The following ST18 variants were observed in gnomAD, a reference collection of about 807,000 sequenced individuals.
ST18 encodes ST18 C2H2C-type zinc finger transcription factor.
A neutral mutation model predicts 110.0 loss-of-function variants in ST18; 50 were observed. That is an observed-to-expected ratio of 0.45 (90% CI 0.36 to 0.58). ST18 has a LOEUF of 0.58. Ranked by LOEUF, ST18 falls within the 20% of genes least tolerant of loss-of-function variation. ST18 has a pLI of 0.00. For synonymous variants in ST18, 461 were observed against 452.4 expected (o/e 1.02, Z -0.24); for missense variants, 1,306 against 1,280.1 (o/e 1.02, Z -0.31).
chr8:52,291,756 G>GTT (rs1039643705), intron 2 of ST18, among the ~76,000 whole-genome samples: 1 of 150,726 alleles, frequency 6.6e-6, no homozygotes, highest in Non-Finnish European at 1.5e-5. Flanking sequence ...AATAAACAAG[G>GTT]TTTTTTTTTG....
At chr8:52,365,750 G>A (rs558545359) in intron 2 of ST18, among the ~76,000 whole-genome samples, 1 of 152,198 alleles carries the variant, frequency 6.6e-6, no homozygotes, top group Non-Finnish European at 1.5e-5. Context: ...AAGCTAGAAT[G>A]AGTGTTGTTG....
intron 9 of ST18, among the ~76,000 whole-genome samples, chr8:52,178,647 C>CAAAAAAAAAAAAAAAAAAAAAAA (rs2068028796): frequency 1.4e-5 from 1 of 70,616 alleles, no homozygotes; most frequent in African/African-American, 5.9e-5. Context: ...AAAAAAACCA[C>CAAAAAAAAAAAAAAAAAAAAAAA]CAAAAACCAA....
chr8:52,358,399 A>G (rs1042691034), intron 2 of ST18, among the ~76,000 whole-genome samples: 2 of 151,970 alleles, frequency 1.3e-5, no homozygotes, highest in African/African-American at 4.8e-5. Flanking sequence ...TACAATCACC[A>G]AAACTGAAAG....
chr8:52,370,856 T>G, intron 2 of ST18, among the ~76,000 whole-genome samples: 1 of 152,178 alleles, frequency 6.6e-6, no homozygotes, highest in East Asian at 1.9e-4. Context: ...CACCAATTAA[T>G]TTTTGCATGT....
At chr8:52,234,096 G>T (rs1310184697) in intron 2 of ST18, among the ~76,000 whole-genome samples, 1 of 151,946 alleles carries the variant, frequency 6.6e-6, no homozygotes, top group Non-Finnish European at 1.5e-5. Flanking sequence ...GTATTTTTTG[G>T]CTATGTTAAC....
At chr8:52,129,109 ATCTGTGTTGAACCCC>A (rs1215498901) in intron 22 of ST18, among the ~76,000 whole-genome samples, 1 of 152,166 alleles carries the variant, frequency 6.6e-6, no homozygotes, top group African/African-American at 2.4e-5. Context: ...AAAGAAGATC[ATCTGTGTTGAACCCC>A]TACTGCGTGC....
intron 14 of ST18, among the ~76,000 whole-genome samples, 175 bp downstream of exon 14, chr8:52,161,200 C>A (rs1272560840): frequency 1.3e-5 from 2 of 152,126 alleles, no homozygotes; most frequent in South Asian, 4.1e-4. Flanking sequence ...AAATCAATAA[C>A]ATTGATCAAC....
rs188447536 is a variant in ST18 at position 52,380,529 on chromosome 8, C to T, written c.-465+28799G>A. ...CCCACTGCACAATGTTGCATTGATC[C>T]ACAGAGAAAGAACATCTGTCTCCTC... On this transcript the variant is annotated intron_variant, in intron 2 of 25. Transcript: ENST00000689386. Among the ~76,000 whole-genome samples, 513 of 152,152 alleles carry T rather than the reference C, an allele frequency of 3.4e-3. 5 individuals carry two copies. Among genetic ancestry groups the T allele is most frequent in the African/African-American group, 0.012 (494 of 41,516 alleles).
At chr8:52,209,352 T>C (rs62501025) in intron 8 of ST18, among the ~76,000 whole-genome samples, 15,841 of 152,252 alleles carry the variant, frequency 0.1, 1,122 homozygotes, top group Middle Eastern at 0.21. Context: ...AATTATTTAT[T>C]TTCACTTTAT....
chr8:52,317,627 C>T (rs573879314), intron 2 of ST18, among the ~76,000 whole-genome samples: 130 of 152,302 alleles, frequency 8.5e-4, no homozygotes, highest in African/African-American at 2.9e-3. Context: ...CTATTTCTCC[C>T]ACTTTCTCTG....
At chr8:52,119,708 A>G (rs2043951340) in intron 23 of ST18, among the ~76,000 whole-genome samples, 2 of 152,208 alleles carry the variant, frequency 1.3e-5, no homozygotes, top group South Asian at 4.1e-4. Context: ...ATGCCCACCA[A>G]AAACAACACG....
intron 2 of ST18, among the ~76,000 whole-genome samples, chr8:52,236,180 A>G (rs1290418513): frequency 6.6e-6 from 1 of 152,194 alleles, no homozygotes; most frequent in Non-Finnish European, 1.5e-5. Context: ...GTACATTGAC[A>G]CTGATGAAGG....
chr8:52,181,511 G>T (rs1291914302), intron 8 of ST18, among the ~76,000 whole-genome samples: 1 of 152,118 alleles, frequency 6.6e-6, no homozygotes, highest in Non-Finnish European at 1.5e-5. Flanking sequence ...TAATTAGACA[G>T]CTGGAAATGT....
At chr8:52,369,657 T>G (rs530739305) in intron 2 of ST18, among the ~76,000 whole-genome samples, 1 of 152,292 alleles carries the variant, frequency 6.6e-6, no homozygotes, top group East Asian at 1.9e-4. Context: ...TGTTCATCCC[T>G]GATTCAACAT....
At chr8:52,329,239 G>A (rs974294877) in intron 2 of ST18, among the ~76,000 whole-genome samples, 4 of 147,682 alleles carry the variant, frequency 2.7e-5, no homozygotes, top group Non-Finnish European at 4.5e-5. Flanking sequence ...GTGTGTGTGT[G>A]TGTGTGTTTC....
rs191539482 is a variant in ST18, at chr8:52,209,701, C to T, written c.86+2378G>A. Among the ~76,000 whole-genome samples, 477 of 140,652 alleles carry T rather than the reference C, an allele frequency of 3.4e-3. 3 individuals are homozygous for T. Among genetic ancestry groups the T allele is most frequent in the South Asian group, 6.2e-3 (27 of 4,332 alleles). The allele number at this position is 140,652 out of a possible 152,430, so 92.3% of individuals were successfully genotyped here. A position where few individuals can be genotyped will look rare whatever the true frequency, so the allele number is the denominator to read the frequency against. On this transcript the variant is annotated intron_variant, in intron 8 of 25. Coordinates refer to ENST00000689386, the MANE Select transcript of ST18 (RefSeq NM_001352837.2). ...AAGAGAATCACTTGAACCCAGGAGG[C>T]GGAGGTTGCAGTGAACCGAGATCGT...
rs144314612 is a variant in ST18 at position 52,369,259 on chromosome 8, A to G, written c.-465+40069T>C. Among the ~76,000 whole-genome samples the G allele has an allele frequency of 2.9e-3, 439 of 152,298 alleles. 9 individuals are homozygous for G. The highest frequency in any genetic ancestry group is 0.023 in the Admixed American group (347 of 15,286). On this transcript the variant is annotated intron_variant, in intron 2 of 25. Transcript: ENST00000689386. ...TTTAACCAGGCAAATGGTCTCCCAGACTAAACACACTTTTCCCAGCCTCCC... is the reference window on the plus strand; with the variant it reads ...TTTAACCAGGCAAATGGTCTCCCAGGCTAAACACACTTTTCCCAGCCTCCC...
At chr8:52,332,567 T>G (rs1281037101) in intron 2 of ST18, among the ~76,000 whole-genome samples, 2 of 127,052 alleles carry the variant, frequency 1.6e-5, no homozygotes, top group African/African-American at 6.1e-5. Flanking sequence ...TTAACTAAAA[T>G]GCAGGCCGGG....
At chr8:52,135,085 C>G (rs189850199) in intron 19 of ST18, among the ~76,000 whole-genome samples, 138 of 152,196 alleles carry the variant, frequency 9.1e-4, no homozygotes, top group African/African-American at 3.2e-3. Flanking sequence ...GACCCAATAG[C>G]TATAATTAAG....
Sources: gnomAD v4.1 joint callset for allele counts (sites outside exome capture counted in the v4.1 genomes callset) on GRCh38, gnomAD v4.1.1 for gene constraint, MANE v1.5 for transcripts, NCBI Gene and HGNC (gene_info 2026-07-23, HGNC 2026-07-21) for gene names.